The following PCDHGA3 variants were observed in gnomAD, a reference collection of about 807,000 sequenced individuals.
PCDHGA3 encodes protocadherin gamma-A3.
In PCDHGA3, 40 loss-of-function variants were observed where a neutral mutation model predicts 58.5. The observed-to-expected ratio is 0.68, with a 90% confidence interval of 0.53 to 0.89. PCDHGA3 has a LOEUF of 0.89. PCDHGA3 is among the 40% of genes least tolerant of loss of function. The pLI is 0.00. For synonymous variants in PCDHGA3, 530 were observed against 525.7 expected (o/e 1.01, Z -0.11); for missense variants, 1,223 against 1,195.9 (o/e 1.02, Z -0.33).
intron 1 of PCDHGA3, chr5:141,478,491 G>A: frequency 6.2e-7 from 1 of 1,613,152 alleles, no homozygotes; most frequent in Non-Finnish European, 8.5e-7. Flanking sequence ...CTGCGGAGCT[G>A]TGATCCGGTG....
intron 1 of PCDHGA3, chr5:141,408,288 T>C (rs755091342): frequency 6.2e-7 from 1 of 1,613,234 alleles, no homozygotes; most frequent in Non-Finnish European, 8.5e-7. Context: ...TACCCCACCC[T>C]GAGTGAGCCG....
intron 1 of PCDHGA3, chr5:141,373,873 G>C: frequency 2.1e-6 from 1 of 480,742 alleles, no homozygotes; most frequent in Admixed American, 3.9e-5. Context: ...ACCTGGGCAA[G>C]AAAATCAACG....
chr5:141,419,332 C>A, intron 1 of PCDHGA3: 1 of 1,613,950 alleles, frequency 6.2e-7, no homozygotes, highest in South Asian at 1.1e-5. Context: ...CCTACTCTCT[C>A]ATTGCCAGCG....
chr5:141,489,060 TC>T lies in PCDHGA3; in HGVS notation c.2425-5741del, dbSNP rs1037208652. 41 of 300,146 alleles carry T rather than the reference TC, an allele frequency of 1.4e-4. No individual in the cohort carries two copies. The highest frequency in any genetic ancestry group is 2.3e-4 in the Non-Finnish European group (38 of 162,914). The allele number at this position is 300,146 out of a possible 1,614,324, so 18.6% of individuals were successfully genotyped here. A position where few individuals can be genotyped will look rare whatever the true frequency, so the allele number is the denominator to read the frequency against. On this transcript the variant is annotated intron_variant, in intron 1 of 3. Coordinates refer to ENST00000253812, the MANE Select transcript of PCDHGA3 (RefSeq NM_018916.4). This position sits in a 1 kb window ranked among gnomAD's most constrained non-coding sequence, Gnocchi z 4.5. ...CAGCTCCACTCAAATTCAGCTCCCC[TC>T]CCCCCTGCCCACCCCCGCCACTCGG...
At position 141,489,185 on chromosome 5, in the gene PCDHGA3, T is replaced by TCTA; in HGVS notation, c.2425-5620_2425-5618dup. Reference sequence around the variant, plus strand: ...CAGCTGCTGCATTCCAAGCCCTGGGTCTACCTTGGAGACAGGACAGCACAG... The same window carrying TCTA: ...CAGCTGCTGCATTCCAAGCCCTGGGTCTACTACCTTGGAGACAGGACAGCACAG... On this transcript the variant is annotated intron_variant, in intron 1 of 3. Coordinates refer to ENST00000253812, the MANE Select transcript of PCDHGA3 (RefSeq NM_018916.4). This position sits in a 1 kb window ranked among gnomAD's most constrained non-coding sequence, Gnocchi z 4.5. 7.8e-7 allele frequency: 1 copy of TCTA among 1,286,838 alleles called. No homozygotes were observed. The highest frequency in any genetic ancestry group is 1.5e-5 in the South Asian group (1 of 65,798). The allele number at this position is 1,286,838 out of a possible 1,614,324, so 79.7% of individuals were successfully genotyped here.
In PCDHGA3 at chr5:141,476,850, A is replaced by G. The variant is rs747333239; in HGVS notation, c.2425-17957A>G. The G allele has an allele frequency of 1.2e-6, 2 of 1,613,836 alleles. No individual in the cohort carries two copies. Among genetic ancestry groups the G allele is most frequent in the Admixed American group, 3.3e-5 (2 of 60,030 alleles). ...GCGAATGACAATGCGCCTGTCTTCA[A>G]CCAGTCCTTGTACCGGGCGCGCGTC... is the stretch of plus-strand genomic sequence containing the variant. On this transcript the variant is annotated intron_variant, in intron 1 of 3. Transcript: ENST00000253812. The surrounding 1 kb of genome is among the most constrained non-coding windows in gnomAD (Gnocchi z 7.6).
intron 1 of PCDHGA3, among the ~76,000 whole-genome samples, chr5:141,382,009 A>G (rs1219907347): frequency 6.6e-6 from 1 of 151,376 alleles, no homozygotes; most frequent in African/African-American, 2.4e-5. Flanking sequence ...TTGTATTTTT[A>G]GTAGAGACGG....
At chr5:141,371,783 G>A in intron 1 of PCDHGA3, 1 of 1,613,986 alleles carries the variant, frequency 6.2e-7, no homozygotes, top group Non-Finnish European at 8.5e-7. Flanking sequence ...ATGTAGCTGA[G>A]AACAATCCGC....
intron 3 of PCDHGA3, among the ~76,000 whole-genome samples, chr5:141,507,625 G>C (rs2099862215): frequency 6.6e-6 from 1 of 152,256 alleles, no homozygotes; most frequent in Non-Finnish European, 1.5e-5. Context: ...AGCTGTTGTG[G>C]CCTTGCGCCC....
At chr5:141,404,694 C>A in intron 1 of PCDHGA3, 5 of 1,614,116 alleles carry the variant, frequency 3.1e-6, no homozygotes, top group Non-Finnish European at 4.2e-6. Context: ...GCACCCCGCT[C>A]TGCAGAGCCT....
intron 1 of PCDHGA3, chr5:141,478,106 G>T: frequency 6.2e-7 from 1 of 1,614,046 alleles, no homozygotes; most frequent in Non-Finnish European, 8.5e-7. Flanking sequence ...TACCCTCACT[G>T]TGTCAGTAAC....
intron 1 of PCDHGA3, among the ~76,000 whole-genome samples, chr5:141,449,549 A>G (rs1431239786): frequency 6.8e-6 from 1 of 147,830 alleles, no homozygotes; most frequent in East Asian, 2.0e-4. Context: ...AGATCGCACC[A>G]CTGCACTCCA....
At chr5:141,436,331 T>A (rs919524287) in intron 1 of PCDHGA3, among the ~76,000 whole-genome samples, 1 of 152,198 alleles carries the variant, frequency 6.6e-6, no homozygotes, top group Non-Finnish European at 1.5e-5. Flanking sequence ...TTAGACCATA[T>A]CTCAAATATC....
At chr5:141,347,773 A>G (rs1168960909) in intron 1 of PCDHGA3, among the ~76,000 whole-genome samples, 1 of 151,302 alleles carries the variant, frequency 6.6e-6, no homozygotes, top group African/African-American at 2.4e-5. Flanking sequence ...GGCAATAGAG[A>G]GAGACTCCAT....
chr5:141,384,293 A>G, intron 1 of PCDHGA3: 1 of 1,613,660 alleles, frequency 6.2e-7, no homozygotes, highest in Non-Finnish European at 8.5e-7. Flanking sequence ...GCTGAGAACA[A>G]CCCCAGAGGG....
intron 1 of PCDHGA3, chr5:141,411,396 C>G (rs985023346): frequency 2.1e-5 from 3 of 145,420 alleles, no homozygotes; most frequent in African/African-American, 5.1e-5. Context: ...ATAGGGAGAC[C>G]CCCCATCTCT....
intron 1 of PCDHGA3, among the ~76,000 whole-genome samples, chr5:141,437,486 G>A (rs530079212): frequency 2.6e-5 from 4 of 152,224 alleles, no homozygotes; most frequent in South Asian, 2.1e-4. Flanking sequence ...ATTTAATCTC[G>A]TAGATCACTT....
At chr5:141,449,202 C>T (rs77980623) in intron 1 of PCDHGA3, among the ~76,000 whole-genome samples, 7,411 of 152,148 alleles carry the variant, frequency 0.049, 284 homozygotes, top group African/African-American at 0.1. Context: ...AGTGTTAATT[C>T]TAACTTTCTG....
intron 1 of PCDHGA3, chr5:141,365,341 A>T: frequency 6.2e-7 from 1 of 1,613,960 alleles, no homozygotes; most frequent in African/African-American, 1.3e-5. Context: ...TGGTCACAGT[A>T]CAGGACGTGA....
Sources: gnomAD v4.1 joint callset for allele counts (sites outside exome capture counted in the v4.1 genomes callset) on GRCh38, gnomAD v4.1.1 for gene constraint, Gnocchi (gnomAD v3.1) non-coding constraint, MANE v1.5 for transcripts, NCBI Gene and HGNC (gene_info 2026-07-23, HGNC 2026-07-21) for gene names.